ZNF547: variants seen among roughly 807,000 people sequenced by gnomAD.
ZNF547 encodes zinc finger protein 547.
ZNF547 carries 4 observed loss-of-function variants against 7.7 expected under a neutral mutation model. The observed-to-expected ratio is 0.52, with a 90% CI of 0.26 to 1.20. The LOEUF is 1.20. ZNF547 is among the 50% of genes most tolerant of loss of function. The pLI, the probability that ZNF547 is intolerant of heterozygous loss-of-function variation, is 0.14. For missense variants in ZNF547, 449 were observed against 485.8 expected (o/e 0.92, Z 0.71); for synonymous variants, 166 against 166.2 (o/e 1.00, Z 0.01).
chr19:57,373,024 C>G (rs1341644620), intron 3 of ZNF547, among the ~76,000 whole-genome samples: 1 of 152,210 alleles, frequency 6.6e-6, no homozygotes, highest in Non-Finnish European at 1.5e-5. Context: ...GCACAGCAGG[C>G]CTTCTTCTCA....
chr19:57,378,289 T>C lies in ZNF547; in HGVS notation c.*104T>C. On this transcript the variant is annotated 3_prime_UTR_variant, in exon 4 of 4. Transcript: ENST00000282282. The stretch of plus-strand genomic sequence containing the variant: ...GGAGAAAGACTGAATGCCGTGAACG[T>C]GGGTAATTATGTAGGTACAGCTCTC... 9.7e-7 allele frequency: 1 copy of C among 1,035,860 alleles called. No homozygotes were observed. The highest frequency in any genetic ancestry group is 1.4e-6 in the Non-Finnish European group (1 of 699,242). 64.2% of individuals were successfully genotyped at this position (1,035,860 alleles called of 1,614,324 possible). A position where few individuals can be genotyped will look rare whatever the true frequency, so the allele number is the denominator to read the frequency against.
chr19:57,377,438 G>T lies in ZNF547; in HGVS notation c.462G>T (p.Lys154Asn), dbSNP rs1351834020. 6.2e-7 allele frequency: 1 copy of T among 1,614,250 alleles called. No homozygotes were observed. Among genetic ancestry groups the T allele is most frequent in the Non-Finnish European group, 8.5e-7 (1 of 1,180,050 alleles). The change falls in exon 4 of 4, where the codon AAG becomes AAT. Residue 154 changes from lysine to asparagine, a missense_variant. Transcript: ENST00000282282. ...ACCACAGAGTTCACATGGCAGGGAA[G>T]ACCTTCTTGTGCAGTGAATGTGGGA... ...VKNHRVHMAGKTFLCSECGKA... is the reference protein window; with the variant it reads ...VKNHRVHMAGNTFLCSECGKA...
intron 3 of ZNF547, among the ~76,000 whole-genome samples, chr19:57,374,802 C>T (rs759476711): frequency 2.0e-5 from 3 of 152,074 alleles, no homozygotes; most frequent in Admixed American, 6.5e-5. Context: ...TCCTCATCTC[C>T]ATCTAAGACC....
chr19:57,367,480 G>A (rs1399663150), intron 1 of ZNF547, among the ~76,000 whole-genome samples: 3 of 146,152 alleles, frequency 2.1e-5, no homozygotes, highest in East Asian at 2.0e-4. Context: ...GGGTCCTGAG[G>A]ATCCAATTTG....
rs775834064 is a variant in ZNF547 at position 57,378,829 on chromosome 19, C to T, written c.*644C>T. 5.5e-5 allele frequency: 22 copies of T among 400,042 alleles called. No homozygotes were observed. In the Middle Eastern group the frequency reaches 1.8e-3, roughly 32 times the overall value. 24.8% of individuals were successfully genotyped at this position (400,042 alleles called of 1,614,324 possible). A position where few individuals can be genotyped will look rare whatever the true frequency, so the allele number is the denominator to read the frequency against. On this transcript the variant is annotated 3_prime_UTR_variant, in exon 4 of 4. Transcript: ENST00000282282. ...TATCTTGTAAAATGAAACTCTATAA[C>T]CACCATTAAAAAAACAACTCATTCC...
chr19:57,368,634 G>C, intron 2 of ZNF547, 55 bp downstream of exon 2: 1 of 1,574,678 alleles, frequency 6.4e-7, no homozygotes, highest in Non-Finnish European at 8.7e-7. Context: ...GATGGTTTTG[G>C]CACCTCCATG....
In ZNF547 at chr19:57,365,678, T is replaced by A. The variant is rs1386092312; in HGVS notation, c.-13+1975T>A. Among the ~76,000 whole-genome samples, 3 of 151,616 alleles carry A rather than the reference T, an allele frequency of 2.0e-5. No homozygotes were observed. In the East Asian group the frequency reaches 5.8e-4, roughly 29 times the overall value. ...CCACCACCATGCCTGCCTAATTTTT[T>A]TTGTATTTTTAGTAGAGACGGAGTT... On this transcript the variant is annotated intron_variant, in intron 1 of 3. Transcript: ENST00000282282.
At chr19:57,371,079 G>C (rs918824355) in intron 2 of ZNF547, 1 of 152,092 alleles carries the variant, frequency 6.6e-6, no homozygotes, top group African/African-American at 2.4e-5. Flanking sequence ...AATCTCCCAA[G>C]TAGCTAGGAC....
intron 3 of ZNF547, among the ~76,000 whole-genome samples, chr19:57,376,117 C>T (rs925145017): frequency 2.0e-5 from 3 of 152,124 alleles, no homozygotes; most frequent in Admixed American, 6.5e-5. Context: ...TAGCAGAGAT[C>T]GTGCCACTGC....
rs1053346603 is a variant in ZNF547 at position 57,377,351 on chromosome 19, A to G, written c.375A>G (p.Gln125=). 2.5e-6 allele frequency: 4 copies of G among 1,614,118 alleles called. No homozygotes were observed. In the African/African-American group the frequency reaches 5.3e-5, roughly 22 times the overall value. ...GTCCAGCACATCTTCACCAGCACCA[A>G]AAGGAGCAGATTAGAGAGAAACTTT... ...YTCPAHLHQH[Q]KEQIREKLSR... is the part of the protein sequence containing the mutation. The change falls in exon 4 of 4, where the codon CAA becomes CAG. Residue 125 remains glutamine (Q), a synonymous_variant. Transcript: ENST00000282282.
At chr19:57,364,838 C>A in intron 1 of ZNF547, 2 of 1,605,570 alleles carry the variant, frequency 1.2e-6, no homozygotes, top group Non-Finnish European at 1.7e-6. Context: ...AAGACCATGT[C>A]TGGAAGCTTC....
intron 1 of ZNF547, among the ~76,000 whole-genome samples, chr19:57,365,505 C>A (rs1438571756): frequency 9.4e-5 from 14 of 149,400 alleles, no homozygotes; most frequent in Non-Finnish European, 1.5e-4. Context: ...TAATTAATTT[C>A]TTTCTTTTTT....
At chr19:57,366,667 T>C (rs1476188128) in intron 1 of ZNF547, among the ~76,000 whole-genome samples, 1 of 149,498 alleles carries the variant, frequency 6.7e-6, no homozygotes, top group Admixed American at 6.8e-5. Flanking sequence ...TGCCTCAGCC[T>C]CCCAAAGTGC....
chr19:57,378,592 GA>G lies in ZNF547; in HGVS notation c.*412del. 3 of 367,586 alleles carry G rather than the reference GA, an allele frequency of 8.2e-6. No homozygotes were observed. Among genetic ancestry groups the G allele is most frequent in the African/African-American group, 2.1e-5 (1 of 47,238 alleles). The allele number at this position is 367,586 out of a possible 1,614,324, so 22.8% of individuals were successfully genotyped here. On this transcript the variant is annotated 3_prime_UTR_variant, in exon 4 of 4. Coordinates refer to ENST00000282282, the MANE Select transcript of ZNF547 (RefSeq NM_173631.4). The stretch of plus-strand genomic sequence containing the variant: ...CTTAGACATCATGTAGTTCACACTG[GA>G]AAAAGGCCACGTATGTGCCTTGAAT...
intron 2 of ZNF547, chr19:57,371,559 G>C: frequency 1.6e-6 from 1 of 617,088 alleles, no homozygotes; most frequent in Non-Finnish European, 2.7e-6. Context: ...ACCTGTCCCT[G>C]GGTTGATTTA....
chr19:57,363,952 AAG>A (rs2088442691), intron 1 of ZNF547: 1 of 152,396 alleles, frequency 6.6e-6, no homozygotes, highest in Non-Finnish European at 1.5e-5. Context: ...TTCTGCGGGA[AAG>A]AGAGGGTTTT....
intron 1 of ZNF547, chr19:57,365,058 T>G: frequency 6.2e-7 from 1 of 1,611,818 alleles, no homozygotes; most frequent in Non-Finnish European, 8.5e-7. Flanking sequence ...TGTCAGCATT[T>G]GTCACCGCGG....
rs3214132 is a variant in ZNF547 at position 57,363,723 on chromosome 19, C to CG, written c.-13+20_-13+21insG. The CG allele has an allele frequency of 1.9e-3, 48 of 24,942 alleles. No individual in the cohort carries two copies. Among genetic ancestry groups the CG allele is most frequent in the South Asian group, 5.0e-3 (7 of 1,394 alleles). The allele number at this position is 24,942 out of a possible 1,614,324, so 1.5% of individuals were successfully genotyped here. On this transcript the variant is annotated intron_variant, in intron 1 of 3. Coordinates refer to ENST00000282282, the MANE Select transcript of ZNF547 (RefSeq NM_173631.4). ...CCCGAGGTGGGTGCCCCGTCCCAGG[C>CG]CCCCCCCCACCTCCGCCCGACCCCT...
chr19:57,378,176 C>T lies in ZNF547; in HGVS notation c.1200C>T (p.His400=). Residue 400 remains histidine (H), a synonymous_variant, in exon 4 of 4, where the codon CAC becomes CAT. Coordinates refer to ENST00000282282, the MANE Select transcript of ZNF547 (RefSeq NM_173631.4). The part of the protein sequence containing the change: ...NSTLLRHQKV[H]TG The stretch of plus-strand genomic sequence containing the variant: ...CACTTCTCAGACATCAGAAAGTCCA[C>T]ACTGGATAAGGCCCTTATGAATGCA... 1 of 1,606,626 alleles carries T rather than the reference C, an allele frequency of 6.2e-7. No individual in the cohort carries two copies. The highest frequency in any genetic ancestry group is 8.5e-7 in the Non-Finnish European group (1 of 1,174,950).
Sources: allele counts gnomAD v4.1 joint callset (sites outside exome capture counted in the v4.1 genomes callset), GRCh38; gene constraint gnomAD v4.1.1; transcripts MANE v1.5; gene names NCBI Gene and HGNC (gene_info 2026-07-23, HGNC 2026-07-21).